FLACC1: variants seen among roughly 807,000 people sequenced by gnomAD.
The protein encoded by FLACC1 is flagellum-associated coiled-coil domain-containing protein 1.
FLACC1 carries 66 observed loss-of-function variants against 62.8 expected under a neutral mutation model. The observed-to-expected ratio is 1.05, with a 90% CI of 0.86 to 1.29. The LOEUF (loss-of-function observed/expected upper bound fraction) is 1.29. Ranked by LOEUF, FLACC1 falls within the 50% of genes most tolerant of loss-of-function variation. FLACC1 has a pLI of 0.00. For missense variants in FLACC1, 452 were observed against 489.1 expected (o/e 0.92, Z 0.71); for synonymous variants, 156 against 161.0 (o/e 0.97, Z 0.24).
At chr2:201,306,562 T>C (rs376252753) in intron 11 of FLACC1, among the ~76,000 whole-genome samples, 6 of 152,298 alleles carry the variant, frequency 3.9e-5, no homozygotes, top group African/African-American at 1.4e-4. Flanking sequence ...CAGAGAATCA[T>C]AGAAGCTAAA....
At chr2:201,290,668 G>A (rs1949712856) in intron 12 of FLACC1, among the ~76,000 whole-genome samples, 1 of 152,152 alleles carries the variant, frequency 6.6e-6, no homozygotes, top group African/African-American at 2.4e-5. Flanking sequence ...ACTGGGGATT[G>A]TCAGACAGTG....
At chr2:201,358,862 A>G (rs147312484), upstream of FLACC1, among the ~76,000 whole-genome samples, 837 of 152,294 alleles carry the variant, frequency 5.5e-3, 9 homozygotes, top group African/African-American at 0.019. Flanking sequence ...TGCAGCCACA[A>G]TGACTCATAT....
intron 9 of FLACC1, among the ~76,000 whole-genome samples, chr2:201,328,094 G>C (rs944390283): frequency 6.6e-6 from 1 of 152,116 alleles, no homozygotes; most frequent in South Asian, 2.1e-4. Flanking sequence ...TTAAAAGTGG[G>C]AGCTAAGTCA....
At chr2:201,333,561 C>G (rs1168475601) in intron 7 of FLACC1, among the ~76,000 whole-genome samples, 1 of 121,266 alleles carries the variant, frequency 8.2e-6, no homozygotes, top group Non-Finnish European at 1.7e-5. Flanking sequence ...CCCCTCCCCC[C>G]ACCCCATAAC....
chr2:201,347,642 C>CAAAAAAAAA (rs199933300), intron 4 of FLACC1, among the ~76,000 whole-genome samples: 5 of 145,620 alleles, frequency 3.4e-5, no homozygotes, highest in South Asian at 2.2e-4. Flanking sequence ...AAAAACAAAA[C>CAAAAAAAAA]AAAAAAAAGA....
intron 14 of FLACC1, among the ~76,000 whole-genome samples, chr2:201,288,988 A>G (rs567527298): frequency 2.2e-4 from 34 of 152,344 alleles, no homozygotes; most frequent in Non-Finnish European, 4.7e-4. Context: ...AATCAATGCA[A>G]TAAATAACTT....
rs556271221 is a variant in FLACC1, at chr2:201,310,566, A to G, written c.676-1316T>C. On this transcript the variant is annotated intron_variant, in intron 9 of 14. Transcript: ENST00000392257. ...AACTCTCTTCATCTACCTAGTAAGAATCATGCCCTAACTTTGTTTTCCTGG... is the reference window on the plus strand; with the variant it reads ...AACTCTCTTCATCTACCTAGTAAGAGTCATGCCCTAACTTTGTTTTCCTGG... 9.7e-4 allele frequency among the ~76,000 whole-genome samples: 147 copies of G among 152,314 alleles called. 1 individual carries two copies. The highest frequency in any genetic ancestry group is 3.4e-3 in the African/African-American group (140 of 41,560).
intron 6 of FLACC1, 58 bp from the exon 7 acceptor site, chr2:201,342,489 T>C: frequency 6.4e-7 from 1 of 1,560,768 alleles, no homozygotes; most frequent in Non-Finnish European, 8.8e-7. Context: ...CATTCTGATC[T>C]GCACCTTCTG....
intron 9 of FLACC1, among the ~76,000 whole-genome samples, chr2:201,315,125 G>GCAAAAA (rs1490740071): frequency 6.6e-6 from 1 of 151,570 alleles, no homozygotes; most frequent in African/African-American, 2.4e-5. Context: ...ACAAAAAAAA[G>GCAAAAA]CAAAAACAAA....
Position 201,304,228 on chromosome 2 carries a change from C to T in FLACC1, c.879+3291G>A, listed in dbSNP as rs1950053233. On this transcript the variant is annotated intron_variant, in intron 11 of 14. Transcript: ENST00000392257. Reference sequence around the variant, plus strand: ...TCCTTAAGCTGATAAGCAACTTCAGCAAAGTCTCAGGATACAAAATCAATG... The same window carrying T: ...TCCTTAAGCTGATAAGCAACTTCAGTAAAGTCTCAGGATACAAAATCAATG... Among the ~76,000 whole-genome samples the T allele has an allele frequency of 2.6e-5, 4 of 152,302 alleles. No homozygotes were observed. The South Asian group carries it at 8.3e-4, about 32-fold the overall frequency.
rs975744543 is a variant in FLACC1, at chr2:201,351,398, G to A, written c.7C>T (p.Pro3Ser). MY[P>S]NPLIYCTCWD... ...CAGGTGCAGTAGATGAGAGGGTTGG[G>A]GTACATGGCCAAAGGTCAGGGGGAG... Residue 3 changes from proline (P) to serine (S), a missense_variant, in exon 2 of 15, where the codon CCC becomes TCC. This residue lies in a region of FLACC1 where 147 missense variants were observed against 152.7 expected (regional missense o/e 0.96). Coordinates refer to ENST00000392257, the MANE Select transcript of FLACC1 (RefSeq NM_001127391.3). The A allele has an allele frequency of 1.2e-6, 2 of 1,613,276 alleles. No homozygotes were observed. Among genetic ancestry groups the A allele is most frequent in the South Asian group, 1.1e-5 (1 of 91,044 alleles).
intron 12 of FLACC1, among the ~76,000 whole-genome samples, chr2:201,296,518 G>T (rs1272374517): frequency 1.2e-4 from 15 of 123,998 alleles, no homozygotes; most frequent in Non-Finnish European, 1.7e-4. Context: ...GTTGTGGGGT[G>T]GGGGGAGGGG....
intron 3 of FLACC1, among the ~76,000 whole-genome samples, chr2:201,350,470 G>T (rs927771041): frequency 3.9e-5 from 6 of 152,048 alleles, no homozygotes; most frequent in Non-Finnish European, 7.4e-5. Flanking sequence ...CCTGAGTTCA[G>T]GAGTTCAAGA....
intron 9 of FLACC1, among the ~76,000 whole-genome samples, chr2:201,311,902 C>A (rs1365690426): frequency 6.6e-6 from 1 of 152,060 alleles, no homozygotes; most frequent in African/African-American, 2.4e-5. Flanking sequence ...AAACTCTCAG[C>A]AAATTAGGTT....
At chr2:201,295,870 C>T (rs1036998524) in intron 12 of FLACC1, among the ~76,000 whole-genome samples, 1 of 152,198 alleles carries the variant, frequency 6.6e-6, no homozygotes, top group African/African-American at 2.4e-5. Context: ...ACAGACACTT[C>T]TCAAAAGAAG....
chr2:201,331,727 G>T (rs1020601375), intron 7 of FLACC1, among the ~76,000 whole-genome samples: 1 of 152,194 alleles, frequency 6.6e-6, no homozygotes, highest in Non-Finnish European at 1.5e-5. Flanking sequence ...AATAGGCAGA[G>T]CGAAGCAGAT....
At chr2:201,350,083 C>G (rs1203950082) in intron 3 of FLACC1, among the ~76,000 whole-genome samples, 2 of 152,178 alleles carry the variant, frequency 1.3e-5, no homozygotes, top group Admixed American at 1.3e-4. Context: ...ATTTCTGCCT[C>G]ATGGACATAA....
chr2:201,338,409 T>C (rs1950738637), intron 7 of FLACC1, among the ~76,000 whole-genome samples: 2 of 152,182 alleles, frequency 1.3e-5, no homozygotes, highest in African/African-American at 2.4e-5. Context: ...TTTTGCGGGA[T>C]TGCTCTGGCT....
chr2:201,288,854 G>C, intron 14 of FLACC1, 73 bp from the exon 15 acceptor site: 1 of 1,548,044 alleles, frequency 6.5e-7, no homozygotes. Flanking sequence ...TTGGAGTGCA[G>C]GGAGAGAAAT....
Sources: allele counts gnomAD v4.1 joint callset (sites outside exome capture counted in the v4.1 genomes callset), GRCh38; gene constraint gnomAD v4.1.1; regional missense constraint gnomAD v4.1.1; transcripts MANE v1.5; gene names NCBI Gene and HGNC (gene_info 2026-07-23, HGNC 2026-07-21).